MAST4: variants seen among roughly 807,000 people sequenced by gnomAD.
MAST4 encodes microtubule associated serine/threonine kinase family member 4, also known as microtubule-associated serine/threonine-protein kinase 4.
In MAST4, 89 loss-of-function variants were observed where a neutral mutation model predicts 162.7. That is an observed-to-expected ratio of 0.55 (90% CI 0.46 to 0.65). The LOEUF (loss-of-function observed/expected upper bound fraction) is 0.65, where lower values mean the gene tolerates loss of function less well. Among genes scored for constraint, MAST4 ranks in the 30% least tolerant of loss-of-function variants. The pLI is 0.00. For missense variants in MAST4, 3,153 were observed against 3,374.0 expected (o/e 0.93, Z 1.62); for synonymous variants, 1,479 against 1,361.1 (o/e 1.09, Z -1.91).
rs764923192 is a variant in MAST4, at chr5:67,164,181, T to C, written c.5002T>C (p.Ser1668Pro). 2 of 1,611,608 alleles carry C rather than the reference T, an allele frequency of 1.2e-6. No individual in the cohort carries two copies. The highest frequency in any genetic ancestry group is 1.7e-5 in the Admixed American group (1 of 59,706). ...GAAGGGGGAAGGCACGGAGAAGTCC[T>C]CCCAGGCCAAGGAGCTTCTCCGATG... The part of the protein sequence containing the change: ...SGKGEGTEKS[S>P]QAKELLRCEK... The change falls in exon 29 of 29, where the codon TCC becomes CCC. Residue 1668 changes from serine (S) to proline (P), a missense_variant. Physicochemically the swap from Ser to Pro is moderately conservative, Grantham distance 74. This residue lies in a region of MAST4 where 1,644 missense variants were observed against 1,495.0 expected (regional missense o/e 1.10). Coordinates refer to ENST00000403625, the MANE Select transcript of MAST4 (RefSeq NM_001164664.2). This position sits in a 1 kb window ranked among gnomAD's most constrained non-coding sequence, Gnocchi z 5.3.
intron 3 of MAST4, among the ~76,000 whole-genome samples, chr5:66,869,300 CTG>C (rs1760756188): frequency 6.6e-6 from 1 of 152,168 alleles, no homozygotes; most frequent in South Asian, 2.1e-4. Flanking sequence ...TTTTCAAACA[CTG>C]TATTTCTCAT....
chr5:66,786,328 G>C (rs1755119147), intron 2 of MAST4, among the ~76,000 whole-genome samples: 1 of 151,342 alleles, frequency 6.6e-6, no homozygotes, highest in African/African-American at 2.4e-5. Flanking sequence ...TATGGAGGCA[G>C]AACAACAGTG....
chr5:67,034,821 G>T (rs1176448245), intron 4 of MAST4, among the ~76,000 whole-genome samples: 2 of 152,168 alleles, frequency 1.3e-5, no homozygotes, highest in Non-Finnish European at 2.9e-5. Flanking sequence ...TTTTAGAGTA[G>T]CTGGTTATGT....
At chr5:66,642,995 A>G (rs1745585803) in intron 1 of MAST4, among the ~76,000 whole-genome samples, 1 of 152,202 alleles carries the variant, frequency 6.6e-6, no homozygotes, top group Non-Finnish European at 1.5e-5. Flanking sequence ...AACATAAACC[A>G]TCATGTAAAT....
At chr5:66,923,593 A>G (rs560776769) in intron 4 of MAST4, among the ~76,000 whole-genome samples, 1 of 152,238 alleles carries the variant, frequency 6.6e-6, no homozygotes, top group African/African-American at 2.4e-5. Context: ...GTGGTCCTAA[A>G]TCTACATCCT....
chr5:66,852,971 T>C (rs1224353587), intron 3 of MAST4, among the ~76,000 whole-genome samples: 1 of 152,192 alleles, frequency 6.6e-6, no homozygotes, highest in Non-Finnish European at 1.5e-5. Context: ...AACAGTGTCA[T>C]AGTGGATGGT....
At chr5:66,705,086 G>A (rs1750046645) in intron 1 of MAST4, among the ~76,000 whole-genome samples, 1 of 152,102 alleles carries the variant, frequency 6.6e-6, no homozygotes, top group South Asian at 2.1e-4. Context: ...CCTAGTTTTT[G>A]GATGGAAATT....
At chr5:66,704,489 G>GTTTTTTTT (rs1749984358) in intron 1 of MAST4, among the ~76,000 whole-genome samples, 1 of 100,910 alleles carries the variant, frequency 9.9e-6, no homozygotes, top group Non-Finnish European at 2.0e-5. Context: ...GTTGCTTGTT[G>GTTTTTTTT]TTCTTTTTTT....
At chr5:67,066,240 A>T (rs1407319988) in intron 5 of MAST4, among the ~76,000 whole-genome samples, 1 of 152,046 alleles carries the variant, frequency 6.6e-6, no homozygotes, top group Non-Finnish European at 1.5e-5. Flanking sequence ...AGAATTGAAA[A>T]ATCATCTATA....
At chr5:66,825,337 G>A (rs1001640897) in intron 3 of MAST4, among the ~76,000 whole-genome samples, 8 of 147,102 alleles carry the variant, frequency 5.4e-5, no homozygotes, top group Non-Finnish European at 1.0e-4. Context: ...CACAGAGTCA[G>A]GATCATCAAG....
At chr5:66,808,912 C>T (rs745462646) in intron 3 of MAST4, among the ~76,000 whole-genome samples, 9 of 152,286 alleles carry the variant, frequency 5.9e-5, no homozygotes, top group East Asian at 3.9e-4. Flanking sequence ...ATTAAACCCA[C>T]GCAATAGAGA....
At chr5:66,845,126 T>C (rs1645455) in intron 3 of MAST4, among the ~76,000 whole-genome samples, 27,368 of 66,872 alleles carry the variant, frequency 0.41, 5,482 homozygotes, top group Non-Finnish European at 0.5. Context: ...TATATATATA[T>C]ACACACACAC....
intron 4 of MAST4, among the ~76,000 whole-genome samples, chr5:66,949,252 G>A (rs1744386119): frequency 6.6e-6 from 1 of 152,054 alleles, no homozygotes; most frequent in African/African-American, 2.4e-5. Flanking sequence ...TGTTGATGTT[G>A]GGCAATGATA....
At chr5:67,037,903 C>T (rs1756220921) in intron 4 of MAST4, among the ~76,000 whole-genome samples, 1 of 151,586 alleles carries the variant, frequency 6.6e-6, no homozygotes, top group Non-Finnish European at 1.5e-5. Flanking sequence ...AGAACACAAA[C>T]ATTAATTGTT....
intron 14 of MAST4, among the ~76,000 whole-genome samples, chr5:67,126,852 G>A (rs1310214431): frequency 6.6e-6 from 1 of 152,108 alleles, no homozygotes; most frequent in Non-Finnish European, 1.5e-5. Context: ...CCATTTTCAC[G>A]ATATTGATTT....
intron 4 of MAST4, among the ~76,000 whole-genome samples, chr5:66,953,727 C>T (rs1179478314): frequency 6.6e-6 from 1 of 152,072 alleles, no homozygotes; most frequent in Non-Finnish European, 1.5e-5. Flanking sequence ...GTCAGTGATG[C>T]CGAGGGTCCT....
chr5:66,653,982 A>G (rs764895106), intron 1 of MAST4, among the ~76,000 whole-genome samples: 1 of 152,224 alleles, frequency 6.6e-6, no homozygotes, highest in African/African-American at 2.4e-5. Flanking sequence ...ACAATTATAT[A>G]TTGAATACTT....
chr5:66,691,727 A>G (rs1240416596), intron 1 of MAST4, among the ~76,000 whole-genome samples: 1 of 152,066 alleles, frequency 6.6e-6, no homozygotes, highest in Non-Finnish European at 1.5e-5. Flanking sequence ...CATTAATCCT[A>G]TTATGAGGGG....
chr5:66,684,789 C>T (rs965300281), intron 1 of MAST4, among the ~76,000 whole-genome samples: 1 of 152,084 alleles, frequency 6.6e-6, no homozygotes, highest in Non-Finnish European at 1.5e-5. Flanking sequence ...GAAGAGGGGT[C>T]ACTGTCTCAG....
Sources: gnomAD v4.1 joint callset for allele counts (sites outside exome capture counted in the v4.1 genomes callset) on GRCh38, gnomAD v4.1.1 for gene constraint, gnomAD v4.1.1 regional missense constraint, Gnocchi (gnomAD v3.1) non-coding constraint, MANE v1.5 for transcripts, NCBI Gene and HGNC (gene_info 2026-07-23, HGNC 2026-07-21) for gene names.